C9orf72: variants seen among roughly 807,000 people sequenced by gnomAD.
C9orf72 encodes the protein C9orf72-SMCR8 complex subunit.
A neutral mutation model predicts 51.6 loss-of-function variants in C9orf72; 44 were observed. That is an observed-to-expected ratio of 0.85 (90% CI 0.67 to 1.10). The LOEUF is 1.10. Ranked by LOEUF, C9orf72 falls within the 50% of genes least tolerant of loss-of-function variation. C9orf72 has a pLI of 0.00. For synonymous variants in C9orf72, 213 were observed against 194.2 expected (o/e 1.10, Z -0.81); for missense variants, 607 against 570.6 (o/e 1.06, Z -0.65).
At chr9:27,566,275 C>T (rs1819464801) in intron 2 of C9orf72, among the ~76,000 whole-genome samples, 1 of 152,102 alleles carries the variant, frequency 6.6e-6, no homozygotes, top group African/African-American at 2.4e-5. Context: ...GTTAAAGAGA[C>T]CAAAGGCTAC....
At position 27,562,364 on chromosome 9, in the gene C9orf72, C is replaced by T. The variant is rs1429890201; in HGVS notation, c.600+17G>A. The T allele has an allele frequency of 4.4e-6, 6 of 1,362,468 alleles. No homozygotes were observed. Among genetic ancestry groups the T allele is most frequent in the Middle Eastern group, 1.9e-4 (1 of 5,352 alleles). The allele number at this position is 1,362,468 out of a possible 1,614,324, so 84.4% of individuals were successfully genotyped here. A position where few individuals can be genotyped will look rare whatever the true frequency, so the allele number is the denominator to read the frequency against. On this transcript the variant is annotated intron_variant, in intron 4 of 10. Transcript: ENST00000380003. ...AAAAAACTCATAAAGTGTATAATTG[C>T]TCTCATTTAAACTTACATCTATTTC...
intron 9 of C9orf72, among the ~76,000 whole-genome samples, chr9:27,549,855 A>G (rs1205891319): frequency 6.6e-6 from 1 of 151,448 alleles, no homozygotes; most frequent in Non-Finnish European, 1.5e-5. Context: ...GGAATGCTGC[A>G]CTCTTAATTG....
chr9:27,548,397 A>G lies in C9orf72; in HGVS notation c.1285T>C (p.Ser429Pro), dbSNP rs200703028. 8.1e-5 allele frequency: 101 copies of G among 1,253,250 alleles called. No homozygotes were observed. Among genetic ancestry groups the G allele is most frequent in the Non-Finnish European group, 1.1e-4 (97 of 916,528 alleles). 77.6% of individuals were successfully genotyped at this position (1,253,250 alleles called of 1,614,324 possible). The change falls in exon 11 of 11, where the codon TCT (serine) becomes CCT (proline). Residue 429 changes from serine (S) to proline (P), a missense_variant. By Grantham distance (74) the Ser-to-Pro change is moderately conservative (BLOSUM62 -1). Coordinates refer to ENST00000380003, the MANE Select transcript of C9orf72 (RefSeq NM_018325.5). Reference protein sequence around the residue: ...DTQKGKKPFKSLRNLKIDLDL... With the variant: ...DTQKGKKPFKPLRNLKIDLDL... Reference sequence around the variant, plus strand: ...AGGTCTATCTTCAGGTTCCGAAGAGATTTAAAGGGCTTTTTTCCCTTCTGC... The same window carrying G: ...AGGTCTATCTTCAGGTTCCGAAGAGGTTTAAAGGGCTTTTTTCCCTTCTGC...
chr9:27,553,669 A>T (rs143546286), intron 8 of C9orf72, among the ~76,000 whole-genome samples: 53 of 152,312 alleles, frequency 3.5e-4, no homozygotes, highest in African/African-American at 1.0e-3. Context: ...TTTATGATGA[A>T]GACGCCAAAA....
At chr9:27,573,490 G>GCCCCGGGCCCGC (rs1425007784), upstream of C9orf72, 35 of 106,228 alleles carry the variant, frequency 3.3e-4, no homozygotes, top group Admixed American at 4.9e-4. Flanking sequence ...CCGCAGCCCC[G>GCCCCGGGCCCGC]CCCCGGGCCC....
chr9:27,557,871 C>T (rs1308108748), intron 7 of C9orf72, among the ~76,000 whole-genome samples: 1 of 151,766 alleles, frequency 6.6e-6, no homozygotes, highest in Non-Finnish European at 1.5e-5. Flanking sequence ...CACTATGAGA[C>T]AATCACATAA....
Position 27,567,054 on chromosome 9 carries a change from A to G in C9orf72, c.67T>C (p.Ser23Pro). 1 of 1,614,070 alleles carries G rather than the reference A, an allele frequency of 6.2e-7. No individual in the cohort carries two copies. The change falls in exon 2 of 11, where the codon TCA becomes CCA. Residue 23 changes from serine to proline, a missense_variant. By Grantham distance (74) the Ser-to-Pro change is moderately conservative. Transcript: ENST00000380003. ...AKTEIALSGK[S>P]PLLAATFAYW... ...GCAAAAGTAGCTGCTAATAAAGGTG[A>G]TTTGCCACTTAAAGCAATCTCTGTC...
chr9:27,566,940 A>T lies in C9orf72; in HGVS notation c.181T>A (p.Phe61Ile). The T allele has an allele frequency of 1.2e-6, 2 of 1,614,086 alleles. No individual in the cohort carries two copies. Among genetic ancestry groups the T allele is most frequent in the East Asian group, 2.2e-5 (1 of 44,882 alleles). Residue 61 changes from phenylalanine to isoleucine, a missense_variant, in exon 2 of 11, where the codon TTT (phenylalanine) becomes ATT (isoleucine). Phe to Ile is a conservative substitution (Grantham distance 21). Coordinates refer to ENST00000380003, the MANE Select transcript of C9orf72 (RefSeq NM_018325.5). ...QVLLSDGEIT[F>I]LANHTLNGEI... is the part of the protein sequence containing the mutation. ...CCATTTAGAGTGTGGTTGGCAAGAA[A>T]AGTTATTTCTCCATCACTGAGAAGT...
At position 27,567,176 on chromosome 9, in the gene C9orf72, C is replaced by T. The variant is rs1347998370; in HGVS notation, c.-44-12G>A. 1.4e-6 allele frequency: 2 copies of T among 1,392,586 alleles called. No individual in the cohort carries two copies. Among genetic ancestry groups the T allele is most frequent in the African/African-American group, 2.8e-5 (2 of 70,188 alleles). The allele number at this position is 1,392,586 out of a possible 1,614,324, so 86.3% of individuals were successfully genotyped here. A position where few individuals can be genotyped will look rare whatever the true frequency, so the allele number is the denominator to read the frequency against. On this transcript the variant is annotated splice_polypyrimidine_tract_variant and intron_variant, in intron 1 of 10. Transcript: ENST00000380003. ...TGCTCCGGAGATATCTAAACAATGA[C>T]ATATGAAACCAATGATTAGGTTCAG...
intron 1 of C9orf72, among the ~76,000 whole-genome samples, chr9:27,569,681 T>C (rs1416424819): frequency 6.6e-6 from 1 of 152,180 alleles, no homozygotes; most frequent in African/African-American, 2.4e-5. Flanking sequence ...CAATGTGTGA[T>C]TGTACTATAA....
chr9:27,552,996 C>T (rs540608823), intron 8 of C9orf72, among the ~76,000 whole-genome samples: 27 of 152,214 alleles, frequency 1.8e-4, no homozygotes, highest in African/African-American at 6.3e-4. Flanking sequence ...GGAAGAGTTC[C>T]TCCTCCTCAA....
rs1820778919 is a variant in C9orf72 at position 27,546,817 on chromosome 9, C to T, written c.*1419G>A. 2 of 152,142 alleles carry T rather than the reference C, an allele frequency of 1.3e-5. No individual in the cohort carries two copies. The highest frequency in any genetic ancestry group is 4.1e-4 in the South Asian group (2 of 4,824). 9.4% of individuals were successfully genotyped at this position (152,142 alleles called of 1,614,324 possible). A position where few individuals can be genotyped will look rare whatever the true frequency, so the allele number is the denominator to read the frequency against. ...CATCTAGTTCAGTGGTTGTCTAAAA[C>T]ATCAAGCTGTCCACATCTTTCTGAT... On this transcript the variant is annotated 3_prime_UTR_variant, in exon 11 of 11. Transcript: ENST00000380003.
chr9:27,550,765 T>G, intron 8 of C9orf72, 58 bp from the exon 9 acceptor site: 1 of 885,298 alleles, frequency 1.1e-6, no homozygotes, highest in Non-Finnish European at 1.8e-6. Flanking sequence ...AATGGCCATA[T>G]AATGCTACCT....
chr9:27,567,942 T>C (rs1819505329), intron 1 of C9orf72, among the ~76,000 whole-genome samples: 1 of 152,126 alleles, frequency 6.6e-6, no homozygotes. Context: ...GTCAACACTT[T>C]GATTTCGGAC....
In C9orf72 at chr9:27,556,689, A is replaced by T; in HGVS notation, c.963T>A (p.Cys321Ter). 6.2e-7 allele frequency: 1 copy of T among 1,613,934 alleles called. No individual in the cohort carries two copies. The highest frequency in any genetic ancestry group is 8.5e-7 in the Non-Finnish European group (1 of 1,179,884). The change falls in exon 8 of 11, where the codon TGT becomes TGA. Residue 321 changes from cysteine to a stop codon, truncating the protein, a stop_gained. Transcript: ENST00000380003. LOFTEE classifies it high-confidence loss of function. ...TACGCTGATTATAAATATGTTCATG[A>T]CAGGGTGGCATCTGCTTCACAGTAT... ...DVNTVKQMPP[C>*]HEHIYNQRRY...
intron 8 of C9orf72, among the ~76,000 whole-genome samples, chr9:27,551,745 G>A (rs1010339622): frequency 6.6e-6 from 1 of 151,698 alleles, no homozygotes; most frequent in Non-Finnish European, 1.5e-5. Flanking sequence ...TTAATCGAGT[G>A]GACTTATTAT....
In C9orf72 at chr9:27,548,304, G is replaced by A. The variant is rs1272092957; in HGVS notation, c.1378C>T (p.His460Tyr). 2 of 1,613,196 alleles carry A rather than the reference G, an allele frequency of 1.2e-6. No homozygotes were observed. The highest frequency in any genetic ancestry group is 2.2e-5 in the East Asian group (1 of 44,858). ...AAAGGTCTTCCAAAGATAAAAGAGT[G>A]TAGGCCTGGTTTAATTTTCTCAGCC... Reference protein sequence around the residue: ...ALAEKIKPGLHSFIFGRPFYT... With the variant: ...ALAEKIKPGLYSFIFGRPFYT... Residue 460 changes from histidine to tyrosine, a missense_variant, in exon 11 of 11, where the codon CAC (histidine) becomes TAC (tyrosine). Coordinates refer to ENST00000380003, the MANE Select transcript of C9orf72 (RefSeq NM_018325.5).
At chr9:27,565,763 T>A (rs571950866) in intron 2 of C9orf72, among the ~76,000 whole-genome samples, 173 bp from the exon 3 acceptor site, 1 of 152,214 alleles carries the variant, frequency 6.6e-6, no homozygotes, top group African/African-American at 2.4e-5. Flanking sequence ...CATGTTCTCA[T>A]AAACAATACA....
chr9:27,566,629 C>T, intron 2 of C9orf72, 48 bp downstream of exon 2: 1 of 1,311,822 alleles, frequency 7.6e-7, no homozygotes, highest in Non-Finnish European at 1.1e-6. Flanking sequence ...AGAAAATAAG[C>T]TTTCAACAGA....
Sources: gnomAD v4.1 joint callset for allele counts (sites outside exome capture counted in the v4.1 genomes callset) on GRCh38, gnomAD v4.1.1 for gene constraint, MANE v1.5 for transcripts, NCBI Gene and HGNC (gene_info 2026-07-23, HGNC 2026-07-21) for gene names.